The following RAB44 variants were observed in gnomAD, a reference collection of about 807,000 sequenced individuals.
RAB44 encodes ras-related protein Rab-44.
Under a neutral mutation model 93.3 loss-of-function variants are expected in RAB44, and 67 were observed. That is an observed-to-expected ratio of 0.72 (90% confidence interval 0.59 to 0.88). The LOEUF is 0.88. Ranked by LOEUF, RAB44 falls within the 40% of genes least tolerant of loss-of-function variation. RAB44 has a pLI of 0.00. For missense variants in RAB44, 1,064 were observed against 1,261.7 expected (o/e 0.84, Z 2.37); for synonymous variants, 427 against 520.3 (o/e 0.82, Z 2.44).
chr6:36,730,759 GCCCGCCC>G lies in RAB44; in HGVS notation c.2975+17_2975+23del. On this transcript the variant is annotated intron_variant, in intron 13 of 13. Transcript: ENST00000612677. ...TAGTAAACCTGGCCAGGTAAGTGCTGCCCGCCCCCCGCCGCCCCCACCCCCCCCCTTG... is the reference window on the plus strand; with the variant it reads ...TAGTAAACCTGGCCAGGTAAGTGCTGCCCGCCGCCCCCACCCCCCCCCTTG... 8.3e-7 allele frequency: 1 copy of G among 1,203,326 alleles called. No individual in the cohort carries two copies. Among genetic ancestry groups the G allele is most frequent in the Non-Finnish European group, 1.0e-6 (1 of 974,728 alleles). The allele number at this position is 1,203,326 out of a possible 1,614,324, so 74.5% of individuals were successfully genotyped here.
chr6:36,721,535 C>A lies in RAB44; in HGVS notation c.1401C>A (p.Asp467Glu). 1.6e-6 allele frequency: 2 copies of A among 1,234,598 alleles called. No homozygotes were observed. The highest frequency in any genetic ancestry group is 2.0e-6 in the Non-Finnish European group (2 of 988,372). The allele number at this position is 1,234,598 out of a possible 1,614,324, so 76.5% of individuals were successfully genotyped here. A position where few individuals can be genotyped will look rare whatever the true frequency, so the allele number is the denominator to read the frequency against. The change falls in exon 9 of 14, where the codon GAC becomes GAA. Residue 467 changes from aspartate (D) to glutamate (E), a missense_variant. Transcript: ENST00000612677. The part of the protein sequence containing the change: ...AEQPVEPHDP[D>E]PNQEPGSTPE... Reference sequence around the variant, plus strand: ...AGCCTGTTGAACCGCACGACCCGGACCCCAACCAGGAGCCAGGGTCCACAC... The same window carrying A: ...AGCCTGTTGAACCGCACGACCCGGAACCCAACCAGGAGCCAGGGTCCACAC...
chr6:36,727,680 G>C lies in RAB44; in HGVS notation c.2785G>C (p.Asp929His). The C allele has an allele frequency of 1.3e-6, 2 of 1,550,046 alleles. No individual in the cohort carries two copies. The highest frequency in any genetic ancestry group is 2.4e-5 in the South Asian group (2 of 84,054). The change falls in exon 11 of 14, where the codon GAC becomes CAC. Residue 929 changes from aspartate (D) to histidine (H), a missense_variant. Coordinates refer to ENST00000612677, the MANE Select transcript of RAB44 (RefSeq NM_001257357.2). ...ESFAHVRYWL[D>H]CLQDAGSDGV... ...CTTTGCCCACGTGCGCTACTGGCTA[G>C]ACTGTCTCCAGGTGAGCAGATGGCT...
In RAB44 at chr6:36,723,836, C is replaced by CAAAAAAAAAAAAAAAAAA. The variant is rs565860026; in HGVS notation, c.2599+1104_2599+1121dup. ...GGCGACAGAGCAAGATTCCGTCTCC[C>CAAAAAAAAAAAAAAAAAA]AAAAAAAAAAAAAAAAAAGCAAACC... is the stretch of plus-strand genomic sequence containing the variant. On this transcript the variant is annotated intron_variant, in intron 9 of 13. Coordinates refer to ENST00000612677, the MANE Select transcript of RAB44 (RefSeq NM_001257357.2). 3.9e-4 allele frequency among the ~76,000 whole-genome samples: 25 copies of CAAAAAAAAAAAAAAAAAA among 64,626 alleles called. 1 individual carries two copies. The highest frequency in any genetic ancestry group is 6.9e-4 in the Non-Finnish European group (23 of 33,200). The allele number at this position is 64,626 out of a possible 152,430, so 42.4% of individuals were successfully genotyped here.
At position 36,717,999 on chromosome 6, in the gene RAB44, T is replaced by C; in HGVS notation, c.642-29T>C. The C allele has an allele frequency of 8.2e-7, 1 of 1,224,428 alleles. No individual in the cohort carries two copies. Among genetic ancestry groups the C allele is most frequent in the Non-Finnish European group, 1.0e-6 (1 of 980,868 alleles). The allele number at this position is 1,224,428 out of a possible 1,614,324, so 75.8% of individuals were successfully genotyped here. The stretch of plus-strand genomic sequence containing the variant: ...CAGGCTCCCAGAGGTGCTGATGGGC[T>C]GCCTGGCCCCAACTCCTGCTCCTCC... On this transcript the variant is annotated intron_variant, in intron 5 of 13. Transcript: ENST00000612677. The surrounding 1 kb of genome is among the most constrained non-coding windows in gnomAD (Gnocchi z 4.1).
intron 1 of RAB44, among the ~76,000 whole-genome samples, chr6:36,700,955 A>G (rs1762494927): frequency 6.6e-6 from 1 of 152,210 alleles, no homozygotes; most frequent in African/African-American, 2.4e-5. Context: ...AAGAAGGGGT[A>G]TCTATGTGGT....
chr6:36,711,574 A>G (rs1379119042), intron 2 of RAB44, among the ~76,000 whole-genome samples: 1 of 152,222 alleles, frequency 6.6e-6, no homozygotes, highest in African/African-American at 2.4e-5. Flanking sequence ...AGTCTAAGTC[A>G]TTTAAAGCAT....
intron 1 of RAB44, among the ~76,000 whole-genome samples, chr6:36,703,204 G>A (rs1006250235): frequency 2.4e-4 from 36 of 152,164 alleles, no homozygotes; most frequent in Non-Finnish European, 2.9e-5. Flanking sequence ...TTTTAACAAG[G>A]AACTCATTTT....
intron 8 of RAB44, among the ~76,000 whole-genome samples, chr6:36,720,869 C>T (rs1034870824): frequency 6.6e-6 from 1 of 152,198 alleles, no homozygotes; most frequent in Non-Finnish European, 1.5e-5. Flanking sequence ...CCCTAGCAGG[C>T]ACTCACTCTA....
chr6:36,702,559 C>A (rs1275949025), intron 1 of RAB44, among the ~76,000 whole-genome samples: 1 of 152,236 alleles, frequency 6.6e-6, no homozygotes, highest in Admixed American at 6.5e-5. Context: ...GGGGAGATAT[C>A]TATTCCATCT....
chr6:36,720,679 C>T (rs1763052173), intron 8 of RAB44, 129 bp downstream of exon 8: 1 of 705,876 alleles, frequency 1.4e-6, no homozygotes, highest in Non-Finnish European at 2.0e-6. Context: ...AAACCCCACC[C>T]TCTGCCAAGC....
intron 9 of RAB44, among the ~76,000 whole-genome samples, chr6:36,723,837 A>C (rs1440079230): frequency 4.1e-5 from 3 of 73,010 alleles, no homozygotes; most frequent in South Asian, 7.4e-4. Flanking sequence ...TCCGTCTCCC[A>C]AAAAAAAAAA....
At chr6:36,719,731 G>C (rs1210603338) in intron 7 of RAB44, among the ~76,000 whole-genome samples, 5 of 152,240 alleles carry the variant, frequency 3.3e-5, no homozygotes, top group Admixed American at 2.6e-4. Flanking sequence ...ACCTGGAGAA[G>C]TGTGATATGT....
chr6:36,728,707 G>A lies in RAB44; in HGVS notation c.2804G>A (p.Gly935Glu). 5.8e-6 allele frequency: 9 copies of A among 1,550,500 alleles called. No homozygotes were observed. In the South Asian group the frequency reaches 9.5e-5, roughly 16 times the overall value. Residue 935 changes from glycine to glutamate, a missense_variant, in exon 12 of 14, where the codon GGG becomes GAG. Coordinates refer to ENST00000612677, the MANE Select transcript of RAB44 (RefSeq NM_001257357.2). ...AACATGTTCTGTGTGCAGGATGCAG[G>A]GTCGGATGGGGTGGTCATCCTTCTC... ...RYWLDCLQDAGSDGVVILLLG... is the reference protein window; with the variant it reads ...RYWLDCLQDAESDGVVILLLG...
intron 12 of RAB44, among the ~76,000 whole-genome samples, chr6:36,729,872 C>T (rs1763321967): frequency 1.3e-5 from 2 of 152,158 alleles, no homozygotes; most frequent in African/African-American, 4.8e-5. Context: ...GTAATAATCC[C>T]TAAAGGAACA....
chr6:36,722,281 T>A lies in RAB44; in HGVS notation c.2147T>A (p.Leu716Gln). 7.7e-7 allele frequency: 1 copy of A among 1,297,816 alleles called. No homozygotes were observed. Among genetic ancestry groups the A allele is most frequent in the African/African-American group, 1.5e-5 (1 of 66,814 alleles). 80.4% of individuals were successfully genotyped at this position (1,297,816 alleles called of 1,614,324 possible). A position where few individuals can be genotyped will look rare whatever the true frequency, so the allele number is the denominator to read the frequency against. The change falls in exon 9 of 14, where the codon CTG becomes CAG. Residue 716 changes from leucine to glutamine, a missense_variant. Physicochemically the swap from Leu to Gln is moderately radical, Grantham distance 113. Transcript: ENST00000612677. The part of the protein sequence containing the change: ...AHSELPQQDS[L>Q]LVSLPSATPQ... ...TCGGAACTCCCCCAGCAAGACTCTC[T>A]GCTTGTTTCTCTCCCATCTGCCACA...
intron 1 of RAB44, among the ~76,000 whole-genome samples, chr6:36,702,338 G>GA (rs77967760): frequency 0.14 from 7,973 of 58,100 alleles, 363 homozygotes; most frequent in Non-Finnish European, 0.16. Flanking sequence ...GAGAGAGAGA[G>GA]AATGTACTTC....
rs1404607737 is a variant in RAB44, at chr6:36,725,851, A to C, written c.2600-11A>C. 11 of 1,547,390 alleles carry C rather than the reference A, an allele frequency of 7.1e-6. No individual in the cohort carries two copies. The highest frequency in any genetic ancestry group is 9.6e-6 in the Non-Finnish European group (11 of 1,144,252). On this transcript the variant is annotated splice_polypyrimidine_tract_variant and intron_variant, in intron 9 of 13. Coordinates refer to ENST00000612677, the MANE Select transcript of RAB44 (RefSeq NM_001257357.2). ...AACTTAGTAGGCTTCACCCCTCTCT[A>C]TGTGTCCTAGGAGTAGATTTTCGGG...
Position 36,704,448 on chromosome 6 carries a change from C to A in RAB44, c.207+6C>A. 2 of 1,531,510 alleles carry A rather than the reference C, an allele frequency of 1.3e-6. No homozygotes were observed. Among genetic ancestry groups the A allele is most frequent in the Non-Finnish European group, 8.7e-7 (1 of 1,143,810 alleles). The allele number at this position is 1,531,510 out of a possible 1,614,324, so 94.9% of individuals were successfully genotyped here. ...TCACCCGCGAGGACCTGGCGGTGAG[C>A]CCAAGACCCCCATTTGAATGCTGAA... On this transcript the variant is annotated splice_donor_region_variant and intron_variant, in intron 2 of 13. Transcript: ENST00000612677.
intron 12 of RAB44, 83 bp downstream of exon 12, chr6:36,728,884 C>A: frequency 8.7e-7 from 1 of 1,149,062 alleles, no homozygotes; most frequent in Non-Finnish European, 1.3e-6. Flanking sequence ...CATCACCTGA[C>A]CTGGGCAGCC....
Sources: allele counts gnomAD v4.1 joint callset (sites outside exome capture counted in the v4.1 genomes callset), GRCh38; gene constraint gnomAD v4.1.1; non-coding constraint Gnocchi (gnomAD v3.1); transcripts MANE v1.5; gene names NCBI Gene and HGNC (gene_info 2026-07-23, HGNC 2026-07-21).